The following PCDH10 variants were observed in gnomAD, a reference collection of about 807,000 sequenced individuals.
The protein encoded by PCDH10 is protocadherin-10.
A neutral mutation model predicts 74.4 loss-of-function variants in PCDH10; 15 were observed. The ratio of observed to expected loss-of-function variants is 0.20; its 90% CI spans 0.13 to 0.31. PCDH10 has a LOEUF of 0.31. PCDH10 is among the 10% of genes least tolerant of loss of function. The probability of loss-of-function intolerance (pLI) is 1.00; values close to 1 mark genes in which losing one functional copy is unlikely to be tolerated. For synonymous variants in PCDH10, 619 were observed against 589.8 expected, an observed-to-expected ratio of 1.05 and a Z score of -0.72; for missense variants, 1,260 against 1,390.2, an observed-to-expected ratio of 0.91 and a Z score of 1.49.
At chr4:133,201,063 A>G (rs965232553) in intron 2 of PCDH10, among the ~76,000 whole-genome samples, 1 of 152,180 alleles carries the variant, frequency 6.6e-6, no homozygotes, top group African/African-American at 2.4e-5. Flanking sequence ...GACATGTTAT[A>G]TTGGTAGTGA....
Position 133,178,557 on chromosome 4 carries a change from T to G in PCDH10, c.3104-11584T>G, listed in dbSNP as rs188898036. On this transcript the variant is annotated intron_variant, in intron 4 of 4. Coordinates refer to ENST00000264360, the MANE Select transcript of PCDH10 (RefSeq NM_032961.3). ...GGACTTTTTTTTTTTTAATTAAAGT[T>G]TTTGGAAGCAGAAAACAGACATGAG... Among the ~76,000 whole-genome samples the G allele has an allele frequency of 3.9e-5, 6 of 152,122 alleles. No homozygotes were observed. In the East Asian group the frequency reaches 1.2e-3, roughly 29 times the overall value.
intron 4 of PCDH10, among the ~76,000 whole-genome samples, chr4:133,176,363 T>C (rs1192985456): frequency 6.6e-6 from 1 of 152,124 alleles, no homozygotes; most frequent in Non-Finnish European, 1.5e-5. Flanking sequence ...ACATGCATCC[T>C]CCAAAGCTCA....
intron 2 of PCDH10, among the ~76,000 whole-genome samples, chr4:133,205,049 A>T (rs1025052596): frequency 1.3e-5 from 2 of 152,082 alleles, no homozygotes; most frequent in East Asian, 3.9e-4. Flanking sequence ...ACTGAAACCC[A>T]CTATCAGGAA....
chr4:133,180,201 C>A (rs1364072488), intron 4 of PCDH10, among the ~76,000 whole-genome samples: 1 of 151,910 alleles, frequency 6.6e-6, no homozygotes, highest in South Asian at 2.1e-4. Context: ...AGTTGTCTGC[C>A]ACGTATCATT....
chr4:133,197,385 ACTT>A (rs1727817125), downstream of PCDH10, among the ~76,000 whole-genome samples: 1 of 152,126 alleles, frequency 6.6e-6, no homozygotes, highest in African/African-American at 2.4e-5. Context: ...CTAATAGTAG[ACTT>A]CTTGAAGTTG....
chr4:133,158,524 T>A lies in PCDH10; in HGVS notation c.2797+3501T>A, dbSNP rs540377192. ...AGGAGAACTTATCTTCCAAATATGT[T>A]TAGTTTCTAACTAATTATAGATATA... On this transcript the variant is annotated intron_variant, in intron 3 of 4. Transcript: ENST00000264360. Among the ~76,000 whole-genome samples the A allele has an allele frequency of 2.0e-5, 3 of 152,274 alleles. No individual in the cohort carries two copies. The South Asian group carries it at 6.2e-4, about 32-fold the overall frequency.
intron 4 of PCDH10, among the ~76,000 whole-genome samples, chr4:133,178,822 A>G (rs912220188): frequency 1.3e-5 from 2 of 152,116 alleles, no homozygotes; most frequent in African/African-American, 4.8e-5. Context: ...ATTTATTCTA[A>G]AAAGTTTCAG....
chr4:133,187,686 G>A (rs1333609865), intron 4 of PCDH10, among the ~76,000 whole-genome samples: 4 of 151,984 alleles, frequency 2.6e-5, no homozygotes, highest in Middle Eastern at 3.2e-3. Flanking sequence ...AAGAAAACAC[G>A]TAACTCTAAG....
At chr4:133,205,001 G>C (rs948713164) in intron 2 of PCDH10, among the ~76,000 whole-genome samples, 1 of 152,156 alleles carries the variant, frequency 6.6e-6, no homozygotes, top group African/African-American at 2.4e-5. Context: ...GGGATGATGT[G>C]ATTAGCTTAT....
chr4:133,152,392 G>T lies in PCDH10; in HGVS notation c.2252G>T (p.Cys751Phe), dbSNP rs562447863. 1.7e-5 allele frequency: 28 copies of T among 1,614,188 alleles called. No homozygotes were observed. In the South Asian group the frequency reaches 3.0e-4, roughly 17 times the overall value. ...QKEKKLNIYTCLASDCCLCCC... is the reference protein window; with the variant it reads ...QKEKKLNIYTFLASDCCLCCC... ...GAGAAGAAGCTCAACATCTATACTT[G>T]TCTGGCCAGCGATTGCTGCCTCTGC... Residue 751 changes from cysteine (C) to phenylalanine (F), a missense_variant, in exon 1 of 5, where the codon TGT (cysteine) becomes TTT (phenylalanine). Around this residue, in one of 11 missense-constraint regions of PCDH10, gnomAD observed 587 missense variants for 616.9 expected, o/e 0.95. Transcript: ENST00000264360.
chr4:133,152,866 T>A (rs1726769982), intron 1 of PCDH10, 95 bp downstream of exon 1: 5 of 1,538,778 alleles, frequency 3.2e-6, no homozygotes, highest in African/African-American at 1.4e-5. Flanking sequence ...CTGTATCTAT[T>A]TTTAGGATAT....
Position 133,150,109 on chromosome 4 carries a change from G to C in PCDH10, c.-32G>C, listed in dbSNP as rs1442489625. 7 of 1,468,656 alleles carry C rather than the reference G, an allele frequency of 4.8e-6. No individual in the cohort carries two copies. The highest frequency in any genetic ancestry group is 1.5e-5 in the South Asian group (1 of 65,582). 91.0% of individuals were successfully genotyped at this position (1,468,656 alleles called of 1,614,324 possible). ...GGGGAGGTGATTGGGTGGCTGACTGGCTGCGGGAAGCTACTTCCTTTCCTT... is the reference window on the plus strand; with the variant it reads ...GGGGAGGTGATTGGGTGGCTGACTGCCTGCGGGAAGCTACTTCCTTTCCTT... On this transcript the variant is annotated 5_prime_UTR_variant, in exon 1 of 5. Transcript: ENST00000264360.
intron 4 of PCDH10, among the ~76,000 whole-genome samples, chr4:133,179,848 A>G (rs1485189161): frequency 6.6e-6 from 1 of 152,122 alleles, no homozygotes; most frequent in African/African-American, 2.4e-5. Flanking sequence ...GAGTCAATAA[A>G]TGAAATATTC....
chr4:133,191,574 C>T lies in PCDH10; in HGVS notation c.*1414C>T, dbSNP rs538111907. The stretch of plus-strand genomic sequence containing the variant: ...ATATTAATTATTAAATTTAGTAAGA[C>T]GCACTTTCCTTTCTTTTATATATTT... On this transcript the variant is annotated 3_prime_UTR_variant, in exon 5 of 5. Transcript: ENST00000264360. The T allele has an allele frequency of 6.6e-5, 10 of 152,052 alleles. No individual in the cohort carries two copies. Among genetic ancestry groups the T allele is most frequent in the South Asian group, 4.2e-4 (2 of 4,814 alleles). 9.4% of individuals were successfully genotyped at this position (152,052 alleles called of 1,614,324 possible).
chr4:133,179,184 C>A (rs1367570597), intron 4 of PCDH10, among the ~76,000 whole-genome samples: 2 of 152,156 alleles, frequency 1.3e-5, no homozygotes, highest in Admixed American at 6.6e-5. Context: ...CCACTGGGCT[C>A]TGTGGGAAGG....
chr4:133,173,288 G>A (rs1043369458), intron 4 of PCDH10, among the ~76,000 whole-genome samples: 1 of 151,944 alleles, frequency 6.6e-6, no homozygotes, highest in Non-Finnish European at 1.5e-5. Flanking sequence ...CATAATAAAT[G>A]TTAAGCATTT....
At chr4:133,188,488 TATGACCTGGTTATAATGACTA>T (rs1416181119) in intron 4 of PCDH10, among the ~76,000 whole-genome samples, 1 of 152,080 alleles carries the variant, frequency 6.6e-6, no homozygotes, top group Admixed American at 6.6e-5. Context: ...TCTGGAATAT[TATGACCTGGTTATAATGACTA>T]CCATATATTG....
At chr4:133,185,187 AAT>A (rs1388241322) in intron 4 of PCDH10, among the ~76,000 whole-genome samples, 1 of 148,312 alleles carries the variant, frequency 6.7e-6, no homozygotes, top group Non-Finnish European at 1.5e-5. Flanking sequence ...TAAATATATA[AAT>A]ATATATATTT....
Position 133,150,022 on chromosome 4 carries a change from A to C in PCDH10, c.-119A>C. On this transcript the variant is annotated 5_prime_UTR_variant, in exon 1 of 5. Transcript: ENST00000264360. ...ATTTTTAAAGACAGAAAGCCACAGG[A>C]GCCCCCACGTAGCGCACTTTTATTT... 1 of 1,364,104 alleles carries C rather than the reference A, an allele frequency of 7.3e-7. No individual in the cohort carries two copies. Among genetic ancestry groups the C allele is most frequent in the Non-Finnish European group, 9.7e-7 (1 of 1,034,496 alleles). 84.5% of individuals were successfully genotyped at this position (1,364,104 alleles called of 1,614,324 possible). A position where few individuals can be genotyped will look rare whatever the true frequency, so the allele number is the denominator to read the frequency against.
Sources: gnomAD v4.1 joint callset for allele counts (sites outside exome capture counted in the v4.1 genomes callset) on GRCh38, gnomAD v4.1.1 for gene constraint, gnomAD v4.1.1 regional missense constraint, MANE v1.5 for transcripts, NCBI Gene and HGNC (gene_info 2026-07-23, HGNC 2026-07-21) for gene names.